MKLN1: variants seen among roughly 807,000 people sequenced by gnomAD.
MKLN1 encodes muskelin 1.
A neutral mutation model predicts 99.0 loss-of-function variants in MKLN1; 18 were observed. That is an observed-to-expected ratio of 0.18 (90% CI 0.13 to 0.27). The LOEUF (loss-of-function observed/expected upper bound fraction) is 0.27. Ranked by LOEUF, MKLN1 falls within the 10% of genes least tolerant of loss-of-function variation. MKLN1 has a pLI of 1.00. For synonymous variants in MKLN1, 288 were observed against 293.2 expected (o/e 0.98, Z 0.18); for missense variants, 621 against 875.9 (o/e 0.71, Z 3.67).
chr7:131,484,103 G>A (rs1436304632), intron 17 of MKLN1, among the ~76,000 whole-genome samples: 1 of 151,990 alleles, frequency 6.6e-6, no homozygotes, highest in Admixed American at 6.6e-5. Context: ...CACTAGATCA[G>A]TTGTATTCTT....
chr7:131,325,489 A>G (rs1284946654), upstream of MKLN1, among the ~76,000 whole-genome samples: 1 of 152,078 alleles, frequency 6.6e-6, no homozygotes, highest in East Asian at 1.9e-4. Context: ...TGAGCCCAGG[A>G]GTTCAAGACC....
At chr7:131,418,267 G>A (rs1212120980) in intron 8 of MKLN1, among the ~76,000 whole-genome samples, 1 of 151,752 alleles carries the variant, frequency 6.6e-6, no homozygotes, top group East Asian at 1.9e-4. Flanking sequence ...TACTCGGGGG[G>A]CCGAGGCAGG....
chr7:131,192,171 A>ACGT (rs1157810304), intron 2 of MKLN1, among the ~76,000 whole-genome samples: 1 of 91,690 alleles, frequency 1.1e-5, no homozygotes, highest in African/African-American at 4.8e-5. Flanking sequence ...ACTTATGTAT[A>ACGT]ATATATAAAA....
At chr7:131,218,719 A>T (rs35703491) in intron 3 of MKLN1, among the ~76,000 whole-genome samples, 30,412 of 152,160 alleles carry the variant, frequency 0.2, 3,311 homozygotes, top group Non-Finnish European at 0.25. Flanking sequence ...TGGGAACATG[A>T]TGCCGAGTGA....
chr7:131,332,593 A>AT lies in MKLN1; in HGVS notation c.98+4598dup, dbSNP rs542812503. On this transcript the variant is annotated intron_variant, in intron 1 of 17. Transcript: ENST00000352689. ...TTACCCTTGATATCACTACCTAAAG[A>AT]TTACTAGTCACCCTTTAAATACTGT... Among the ~76,000 whole-genome samples the AT allele has an allele frequency of 7.3e-5, 11 of 151,684 alleles. No individual in the cohort carries two copies. The East Asian group carries it at 2.1e-3, about 29-fold the overall frequency.
At chr7:131,362,853 C>A (rs1800071608) in intron 1 of MKLN1, among the ~76,000 whole-genome samples, 1 of 151,820 alleles carries the variant, frequency 6.6e-6, no homozygotes, top group African/African-American at 2.4e-5. Flanking sequence ...AAAAAAAACT[C>A]TTCTCACTTA....
At chr7:131,178,546 T>C (rs1176420679) in intron 2 of MKLN1, among the ~76,000 whole-genome samples, 2 of 152,198 alleles carry the variant, frequency 1.3e-5, no homozygotes, top group African/African-American at 4.8e-5. Context: ...TGAAGAGGAA[T>C]GGACATTGTG....
chr7:131,466,239 G>A lies in MKLN1; in HGVS notation c.1789-37G>A, dbSNP rs547870965. ...CTACTAGAATATCTTGGGTATGCAT[G>A]CATTTTTAAAAATCTGGCTTATTTT... On this transcript the variant is annotated intron_variant, in intron 14 of 17. Transcript: ENST00000352689. The A allele has an allele frequency of 3.4e-5, 52 of 1,510,568 alleles. 1 individual carries two copies. The Middle Eastern group carries it at 7.0e-4, about 20-fold the overall frequency. The allele number at this position is 1,510,568 out of a possible 1,614,324, so 93.6% of individuals were successfully genotyped here.
chr7:131,451,835 T>G (rs1397840920), intron 12 of MKLN1, among the ~76,000 whole-genome samples: 1 of 152,204 alleles, frequency 6.6e-6, no homozygotes, highest in South Asian at 2.1e-4. Context: ...TTGAAACTTA[T>G]GTGTAGAAGA....
At chr7:131,411,054 CAT>C (rs1309211562) in intron 6 of MKLN1, among the ~76,000 whole-genome samples, 1 of 151,998 alleles carries the variant, frequency 6.6e-6, no homozygotes, top group Admixed American at 6.6e-5. Flanking sequence ...TGATGAGAAA[CAT>C]AGTACGTTTA....
At chr7:131,319,992 G>A (rs1798744054) in intron 3 of MKLN1, among the ~76,000 whole-genome samples, 1 of 152,142 alleles carries the variant, frequency 6.6e-6, no homozygotes, top group Non-Finnish European at 1.5e-5. Flanking sequence ...TCATGAAAAT[G>A]GCCATACTGC....
intron 8 of MKLN1, among the ~76,000 whole-genome samples, chr7:131,422,707 C>T (rs1353535355): frequency 6.6e-6 from 1 of 151,602 alleles, no homozygotes; most frequent in Non-Finnish European, 1.5e-5. Context: ...TTAATAGTAC[C>T]TAGCTTTTGT....
At chr7:131,299,077 G>A (rs572797890) in intron 3 of MKLN1, among the ~76,000 whole-genome samples, 5 of 152,194 alleles carry the variant, frequency 3.3e-5, no homozygotes, top group Admixed American at 6.5e-5. Context: ...TTGTTATTAT[G>A]GGGTCACTAT....
At chr7:131,347,855 A>G (rs896681841) in intron 1 of MKLN1, among the ~76,000 whole-genome samples, 3 of 152,200 alleles carry the variant, frequency 2.0e-5, no homozygotes, top group African/African-American at 7.2e-5. Flanking sequence ...ATACAGTGCA[A>G]TAACATTTTT....
chr7:131,371,981 G>A (rs1477290947), intron 1 of MKLN1, among the ~76,000 whole-genome samples: 1 of 151,740 alleles, frequency 6.6e-6, no homozygotes, highest in Non-Finnish European at 1.5e-5. Context: ...AAGATATGTG[G>A]TACGTTTTTA....
At chr7:131,357,643 A>G (rs1799921229) in intron 1 of MKLN1, among the ~76,000 whole-genome samples, 1 of 152,176 alleles carries the variant, frequency 6.6e-6, no homozygotes, top group Non-Finnish European at 1.5e-5. Flanking sequence ...TTTGTTGCTC[A>G]AAATGTTCCG....
chr7:131,127,072 G>A (rs1420058214), intron 1 of MKLN1, among the ~76,000 whole-genome samples: 1 of 151,800 alleles, frequency 6.6e-6, no homozygotes, highest in Non-Finnish European at 1.5e-5. Context: ...GGCTGAGGCA[G>A]GAGAATTGCT....
chr7:131,192,565 G>A (rs1796583916), intron 2 of MKLN1, among the ~76,000 whole-genome samples: 1 of 145,768 alleles, frequency 6.9e-6, no homozygotes, highest in African/African-American at 2.5e-5. Context: ...TTTTTGAGAT[G>A]GAGTCTCACC....
At chr7:131,140,920 T>C (rs2398759) in intron 1 of MKLN1, among the ~76,000 whole-genome samples, 80,874 of 151,682 alleles carry the variant, frequency 0.53, 22,356 homozygotes, top group Non-Finnish European at 0.6. Context: ...GCTGGGACTA[T>C]AGGCGCGTGC....
Sources: gnomAD v4.1 joint callset for allele counts (sites outside exome capture counted in the v4.1 genomes callset) on GRCh38, gnomAD v4.1.1 for gene constraint, MANE v1.5 for transcripts, NCBI Gene and HGNC (gene_info 2026-07-23, HGNC 2026-07-21) for gene names.